Variants in HLF observed in about 807,000 individuals in gnomAD.
The protein encoded by HLF is HLF transcription factor, PAR bZIP family member, also known as hepatic leukemia factor.
A neutral mutation model predicts 22.6 loss-of-function variants in HLF; 3 were observed. The ratio of observed to expected loss-of-function variants is 0.13; its 90% CI spans 0.06 to 0.34. HLF has a LOEUF of 0.34. Ranked by LOEUF, HLF falls within the 10% of genes least tolerant of loss-of-function variation. HLF has a pLI of 1.00. For missense variants in HLF, 299 were observed against 389.2 expected, an observed-to-expected ratio of 0.77 and a Z score of 1.95; for synonymous variants, 151 against 151.8, an observed-to-expected ratio of 0.99 and a Z score of 0.04.
At chr17:55,277,231 T>C (rs895426496) in intron 2 of HLF, among the ~76,000 whole-genome samples, 3 of 80,968 alleles carry the variant, frequency 3.7e-5, no homozygotes, top group African/African-American at 1.2e-4. Context: ...TTGAACCAGA[T>C]GTTATGTGTA....
chr17:55,284,395 C>T (rs1490894706), intron 2 of HLF, among the ~76,000 whole-genome samples: 1 of 152,224 alleles, frequency 6.6e-6, no homozygotes, highest in African/African-American at 2.4e-5. Flanking sequence ...CTGACTTCCT[C>T]TGCTACTGCT....
In HLF at chr17:55,320,085, T is replaced by C. The variant is rs1360875613; in HGVS notation, c.673-579T>C. Among the ~76,000 whole-genome samples, 1 of 152,204 alleles carries C rather than the reference T, an allele frequency of 6.6e-6. No individual in the cohort carries two copies. The highest frequency in any genetic ancestry group is 2.4e-5 in the African/African-American group (1 of 41,450). ...ACGTGGTTGTTAAATCTCCTATGCATAGTTTTTCCTCATTTTTTCTACTGC... is the reference window on the plus strand; with the variant it reads ...ACGTGGTTGTTAAATCTCCTATGCACAGTTTTTCCTCATTTTTTCTACTGC... On this transcript the variant is annotated intron_variant, in intron 3 of 3. Coordinates refer to ENST00000226067, the MANE Select transcript of HLF (RefSeq NM_002126.5). This position sits in a 1 kb window ranked among gnomAD's most constrained non-coding sequence, Gnocchi z 4.2.
At chr17:55,296,191 G>C (rs932727460) in intron 2 of HLF, among the ~76,000 whole-genome samples, 1 of 152,174 alleles carries the variant, frequency 6.6e-6, no homozygotes, top group African/African-American at 2.4e-5. Flanking sequence ...TTCCTTACAA[G>C]GTAGGGTTTG....
intron 3 of HLF, among the ~76,000 whole-genome samples, chr17:55,316,661 G>A (rs1380747205): frequency 6.6e-6 from 1 of 152,218 alleles, no homozygotes; most frequent in Non-Finnish European, 1.5e-5. Context: ...ACCTGTTAGA[G>A]AAAGGCTTAG....
chr17:55,277,241 ATGTGTG>A (rs60023059), intron 2 of HLF, among the ~76,000 whole-genome samples: 23,197 of 101,476 alleles, frequency 0.23, 3,628 homozygotes, highest in African/African-American at 0.47. Context: ...TGTTATGTGT[ATGTGTG>A]TGTGTGTGTG....
At chr17:55,301,364 A>G (rs1315842604) in intron 2 of HLF, among the ~76,000 whole-genome samples, 1 of 152,270 alleles carries the variant, frequency 6.6e-6, no homozygotes, top group African/African-American at 2.4e-5. Flanking sequence ...CTTAATCAAC[A>G]AAGACATAGT....
chr17:55,317,672 T>C (rs1001342917), intron 3 of HLF, among the ~76,000 whole-genome samples: 2 of 152,230 alleles, frequency 1.3e-5, no homozygotes, highest in African/African-American at 2.4e-5. Context: ...ATGTTTCTCC[T>C]TCTGGCAGAA....
chr17:55,310,021 G>T (rs927184012), intron 2 of HLF, among the ~76,000 whole-genome samples: 1 of 152,184 alleles, frequency 6.6e-6, no homozygotes, highest in Non-Finnish European at 1.5e-5. Context: ...AAATACGAAA[G>T]AATATGAAAT....
At chr17:55,291,796 A>G (rs2081064945) in intron 2 of HLF, among the ~76,000 whole-genome samples, 1 of 152,236 alleles carries the variant, frequency 6.6e-6, no homozygotes. Context: ...CCACTCTAGA[A>G]GCCGTTAAAA....
At chr17:55,308,436 C>T (rs1446234236) in intron 2 of HLF, among the ~76,000 whole-genome samples, 2 of 152,082 alleles carry the variant, frequency 1.3e-5, no homozygotes, top group Non-Finnish European at 2.9e-5. Context: ...TAGAATCAGG[C>T]ATAGTAATCT....
rs1313836454 is a variant in HLF at position 55,317,019 on chromosome 17, G to GA, written c.672+1572_672+1573insA. Among the ~76,000 whole-genome samples, 6 of 145,060 alleles carry GA rather than the reference G, an allele frequency of 4.1e-5. No individual in the cohort carries two copies. The East Asian group carries it at 1.2e-3, about 30-fold the overall frequency. ...GTCGCACTCTGTTGCCCAGGCTGGA[G>GA]TGCAGTGGCACGATCTCAGCTCACT... On this transcript the variant is annotated intron_variant, in intron 3 of 3. Coordinates refer to ENST00000226067, the MANE Select transcript of HLF (RefSeq NM_002126.5).
chr17:55,316,285 A>G (rs945974774), intron 3 of HLF, among the ~76,000 whole-genome samples: 1 of 152,210 alleles, frequency 6.6e-6, no homozygotes, highest in Non-Finnish European at 1.5e-5. Context: ...AGATATGATT[A>G]TTATGTAGTC....
chr17:55,299,328 A>G (rs1278349184), intron 2 of HLF, among the ~76,000 whole-genome samples: 1 of 152,238 alleles, frequency 6.6e-6, no homozygotes, highest in African/African-American at 2.4e-5. Flanking sequence ...ATAGGGAGAC[A>G]GCCTGTGGTG....
chr17:55,324,137 T>C lies in HLF; in HGVS notation c.*3258T>C. Reference sequence around the variant, plus strand: ...ACATTAGGCAAGACTGTGATAGGCCTTTTGTCTTCAAATACAACAGGCCTC... The same window carrying C: ...ACATTAGGCAAGACTGTGATAGGCCCTTTGTCTTCAAATACAACAGGCCTC... On this transcript the variant is annotated 3_prime_UTR_variant, in exon 4 of 4. Coordinates refer to ENST00000226067, the MANE Select transcript of HLF (RefSeq NM_002126.5). The C allele has an allele frequency of 4.4e-6, 1 of 224,830 alleles. No individual in the cohort carries two copies. The highest frequency in any genetic ancestry group is 8.9e-6 in the Non-Finnish European group (1 of 112,588). 13.9% of individuals were successfully genotyped at this position (224,830 alleles called of 1,614,324 possible). A position where few individuals can be genotyped will look rare whatever the true frequency, so the allele number is the denominator to read the frequency against.
chr17:55,269,331 C>T (rs896917960), intron 2 of HLF, among the ~76,000 whole-genome samples: 2 of 152,186 alleles, frequency 1.3e-5, no homozygotes, highest in Admixed American at 6.5e-5. Flanking sequence ...CCAGCCACCC[C>T]TGGAGGCTGT....
At chr17:55,301,395 C>T (rs1217425689) in intron 2 of HLF, among the ~76,000 whole-genome samples, 1 of 152,222 alleles carries the variant, frequency 6.6e-6, no homozygotes, top group East Asian at 1.9e-4. Context: ...CTGTGTAAGG[C>T]AGTGGCATGG....
chr17:55,317,244 G>A (rs1022110481), intron 3 of HLF, among the ~76,000 whole-genome samples: 6 of 152,144 alleles, frequency 3.9e-5, no homozygotes, highest in Admixed American at 1.3e-4. Flanking sequence ...TGGGATTACA[G>A]GTGTAAGCCA....
chr17:55,296,610 G>T (rs115163013), intron 2 of HLF, among the ~76,000 whole-genome samples: 179 of 152,230 alleles, frequency 1.2e-3, no homozygotes, highest in African/African-American at 4.2e-3. Flanking sequence ...CGGCTGCATA[G>T]AACCTATGAT....
At chr17:55,291,670 T>A (rs2081063502) in intron 2 of HLF, among the ~76,000 whole-genome samples, 1 of 152,244 alleles carries the variant, frequency 6.6e-6, no homozygotes, top group Admixed American at 6.5e-5. Context: ...GGAATAATTT[T>A]GACTGTCAAA....
Sources: allele counts gnomAD v4.1 joint callset (sites outside exome capture counted in the v4.1 genomes callset), GRCh38; gene constraint gnomAD v4.1.1; non-coding constraint Gnocchi (gnomAD v3.1); transcripts MANE v1.5; gene names NCBI Gene and HGNC (gene_info 2026-07-23, HGNC 2026-07-21).